VAV3: variants seen among roughly 807,000 people sequenced by gnomAD.
The protein encoded by VAV3 is guanine nucleotide exchange factor VAV3.
A neutral mutation model predicts 131.2 loss-of-function variants in VAV3; 94 were observed. The observed-to-expected ratio is 0.72, with a 90% CI of 0.61 to 0.85. The LOEUF is 0.85. VAV3 is among the 40% of genes least tolerant of loss of function. VAV3 has a pLI of 0.00. For missense variants in VAV3, 939 were observed against 1,002.7 expected, an observed-to-expected ratio of 0.94 and a Z score of 0.86; for synonymous variants, 349 against 342.0, an observed-to-expected ratio of 1.02 and a Z score of -0.22.
chr1:107,702,889 T>C (rs907982365), intron 17 of VAV3, among the ~76,000 whole-genome samples: 10 of 151,968 alleles, frequency 6.6e-5, no homozygotes, highest in African/African-American at 2.4e-4. Context: ...AGAATCAACA[T>C]TATCTCACTG....
chr1:107,933,050 T>C (rs1380144713), intron 1 of VAV3, among the ~76,000 whole-genome samples: 1 of 152,142 alleles, frequency 6.6e-6, no homozygotes, highest in East Asian at 1.9e-4. Flanking sequence ...AAGGAATATA[T>C]CTCCCCAATA....
intron 4 of VAV3, among the ~76,000 whole-genome samples, chr1:107,773,902 G>C (rs1000238177): frequency 9.9e-5 from 15 of 152,102 alleles, no homozygotes; most frequent in Non-Finnish European, 7.4e-5. Context: ...AAAATGGACT[G>C]AAATTCATTT....
intron 2 of VAV3, among the ~76,000 whole-genome samples, chr1:107,869,647 T>C (rs1670164195): frequency 1.3e-5 from 2 of 152,156 alleles, no homozygotes; most frequent in Admixed American, 1.3e-4. Flanking sequence ...ATTGTTTTGT[T>C]TTTCAATTTT....
intron 1 of VAV3, among the ~76,000 whole-genome samples, chr1:107,928,755 T>C (rs1314471714): frequency 6.6e-6 from 1 of 152,058 alleles, no homozygotes; most frequent in African/African-American, 2.4e-5. Context: ...GCCTAGAGGA[T>C]GTAGAAAACA....
At chr1:107,952,468 T>TTTTATATA (rs1553235441) in intron 1 of VAV3, among the ~76,000 whole-genome samples, 1 of 119,028 alleles carries the variant, frequency 8.4e-6, no homozygotes, top group Non-Finnish European at 1.7e-5. Context: ...TAACAAAACT[T>TTTTATATA]TATATATATA....
In VAV3 at chr1:107,964,714, C is replaced by T. The variant is rs767057707; in HGVS notation, c.156G>A (p.Ala52=). The stretch of plus-strand genomic sequence containing the variant: ...TGATCTCCTTCAGGTTGATGGAGTG[C>T]GCCCGGAGGTTGTTAAGCAGCTGGC... ...LLCQLLNNLR[A]HSINLKEINL... is the part of the protein sequence containing the mutation. The change falls in exon 1 of 27, where the codon GCG becomes GCA. Residue 52 remains alanine (A), a synonymous_variant. Coordinates refer to ENST00000370056, the MANE Select transcript of VAV3 (RefSeq NM_006113.5). 1 of 1,614,048 alleles carries T rather than the reference C, an allele frequency of 6.2e-7. No individual in the cohort carries two copies.
At chr1:107,838,903 T>A (rs1668580582) in intron 2 of VAV3, among the ~76,000 whole-genome samples, 1 of 152,100 alleles carries the variant, frequency 6.6e-6, no homozygotes, top group African/African-American at 2.4e-5. Context: ...ACATGAGGTA[T>A]ATGTGGACAT....
intron 13 of VAV3, among the ~76,000 whole-genome samples, chr1:107,750,260 A>G (rs888116362): frequency 6.6e-6 from 1 of 152,210 alleles, no homozygotes; most frequent in East Asian, 1.9e-4. Context: ...ACCCAAACTG[A>G]ATGGTATATG....
At chr1:107,963,307 A>G (rs1276940710) in intron 1 of VAV3, 1 of 152,504 alleles carries the variant, frequency 6.6e-6, no homozygotes, top group Non-Finnish European at 1.5e-5. Context: ...CCACCATAAT[A>G]GAAAAGTCTG....
rs373204433 is a variant in VAV3, at chr1:107,964,881, C to A, written c.-12G>T. On this transcript the variant is annotated 5_prime_UTR_variant, in exon 1 of 27. Coordinates refer to ENST00000370056, the MANE Select transcript of VAV3 (RefSeq NM_006113.5). The stretch of plus-strand genomic sequence containing the variant: ...TTCCACGGCTCCATGCCCGACGGCT[C>A]CGGGACGCGGCTGGGCCGGGGCGGG... 52 of 1,516,248 alleles carry A rather than the reference C, an allele frequency of 3.4e-5. No individual in the cohort carries two copies. Among genetic ancestry groups the A allele is most frequent in the Non-Finnish European group, 4.3e-5 (48 of 1,125,364 alleles). 93.9% of individuals were successfully genotyped at this position (1,516,248 alleles called of 1,614,324 possible).
chr1:107,862,123 A>T (rs769295695), intron 2 of VAV3, among the ~76,000 whole-genome samples: 1 of 151,680 alleles, frequency 6.6e-6, no homozygotes, highest in East Asian at 1.9e-4. Context: ...TATTTCTTCA[A>T]TGGAGTTCTC....
intron 2 of VAV3, among the ~76,000 whole-genome samples, chr1:107,832,067 C>A (rs1016911327): frequency 1.3e-5 from 2 of 152,128 alleles, no homozygotes; most frequent in Non-Finnish European, 2.9e-5. Flanking sequence ...ATGCAATCAT[C>A]CAGGTGTGAA....
chr1:107,805,141 C>T (rs1341387885), intron 2 of VAV3, among the ~76,000 whole-genome samples: 6 of 152,036 alleles, frequency 3.9e-5, no homozygotes, highest in Admixed American at 2.0e-4. Context: ...TTGGTAAAGC[C>T]TTATTGGGGT....
intron 24 of VAV3, among the ~76,000 whole-genome samples, chr1:107,600,947 G>GT (rs1651804696): frequency 6.6e-6 from 1 of 152,192 alleles, no homozygotes; most frequent in African/African-American, 2.4e-5. Context: ...AAGTCCCATA[G>GT]TAACTATAAC....
chr1:107,667,741 A>G (rs1046770058), intron 19 of VAV3, among the ~76,000 whole-genome samples: 1 of 152,178 alleles, frequency 6.6e-6, no homozygotes, highest in African/African-American at 2.4e-5. Flanking sequence ...ATAAAAAACA[A>G]ACAGAAGCAG....
At chr1:107,703,474 T>C (rs1660255764) in intron 17 of VAV3, among the ~76,000 whole-genome samples, 1 of 152,130 alleles carries the variant, frequency 6.6e-6, no homozygotes, top group African/African-American at 2.4e-5. Context: ...ACAGGCACAG[T>C]GTAGGTGCTC....
intron 2 of VAV3, among the ~76,000 whole-genome samples, chr1:107,854,011 G>C (rs1040858891): frequency 1.3e-5 from 2 of 151,954 alleles, no homozygotes; most frequent in Non-Finnish European, 2.9e-5. Context: ...AGGTCACTAT[G>C]AATAATTATG....
intron 19 of VAV3, among the ~76,000 whole-genome samples, chr1:107,649,167 G>A (rs1030649992): frequency 6.6e-6 from 1 of 151,994 alleles, no homozygotes; most frequent in Admixed American, 6.6e-5. Flanking sequence ...AGCAGCCACA[G>A]GGAGTTCTTT....
At chr1:107,713,131 G>A (rs938397497) in intron 15 of VAV3, among the ~76,000 whole-genome samples, 10 of 152,168 alleles carry the variant, frequency 6.6e-5, no homozygotes, top group African/African-American at 2.2e-4. Flanking sequence ...CATGAATACA[G>A]CCAACGATAA....
Sources: gnomAD v4.1 joint callset for allele counts (sites outside exome capture counted in the v4.1 genomes callset) on GRCh38, gnomAD v4.1.1 for gene constraint, MANE v1.5 for transcripts, NCBI Gene and HGNC (gene_info 2026-07-23, HGNC 2026-07-21) for gene names.